Variants in COL4A1 observed in about 807,000 individuals in gnomAD.
COL4A1 encodes the protein collagen alpha-1(IV) chain.
In COL4A1, 40 loss-of-function variants were observed where a neutral mutation model predicts 216.6. That is an observed-to-expected ratio of 0.18 (90% CI 0.14 to 0.24). COL4A1 has a LOEUF of 0.24. Ranked by LOEUF, COL4A1 falls within the 10% of genes least tolerant of loss-of-function variation. The pLI is 1.00. For missense variants in COL4A1, 1,628 were observed against 2,196.8 expected (o/e 0.74, Z 5.18); for synonymous variants, 839 against 810.7 (o/e 1.03, Z -0.59).
chr13:110,224,967 C>T (rs1880670686), intron 2 of COL4A1, among the ~76,000 whole-genome samples: 1 of 151,862 alleles, frequency 6.6e-6, no homozygotes, highest in Admixed American at 6.6e-5. Context: ...CAAAAGCATG[C>T]AAGACAGTCT....
intron 1 of COL4A1, among the ~76,000 whole-genome samples, chr13:110,273,679 C>T (rs1224933124): frequency 1.3e-5 from 2 of 152,134 alleles, no homozygotes; most frequent in African/African-American, 4.8e-5. Flanking sequence ...GCATAGGCAC[C>T]AGGGAATGGG....
chr13:110,287,428 G>T (rs1301840370), intron 1 of COL4A1, among the ~76,000 whole-genome samples: 1 of 152,160 alleles, frequency 6.6e-6, no homozygotes, highest in Non-Finnish European at 1.5e-5. Context: ...TCTTATCTTT[G>T]TGAAGTTCCC....
intron 1 of COL4A1, among the ~76,000 whole-genome samples, chr13:110,305,106 T>A (rs2139328357): frequency 6.6e-6 from 1 of 152,304 alleles, no homozygotes; most frequent in Middle Eastern, 3.4e-3. Flanking sequence ...TACCCATACA[T>A]CATCTGCACA....
chr13:110,301,090 T>C (rs1884472511), intron 1 of COL4A1, among the ~76,000 whole-genome samples: 1 of 152,190 alleles, frequency 6.6e-6, no homozygotes, highest in Non-Finnish European at 1.5e-5. Flanking sequence ...TTCCAAGTCA[T>C]GTTTAGTCTG....
intron 49 of COL4A1, among the ~76,000 whole-genome samples, chr13:110,157,824 A>G (rs1331178594): frequency 6.6e-6 from 1 of 152,158 alleles, no homozygotes; most frequent in Non-Finnish European, 1.5e-5. Context: ...CTCAAAGACC[A>G]GGGGTGTTTT....
At chr13:110,270,107 C>G (rs1883192188) in intron 1 of COL4A1, among the ~76,000 whole-genome samples, 1 of 152,170 alleles carries the variant, frequency 6.6e-6, no homozygotes, top group African/African-American at 2.4e-5. Context: ...TGGTCTGCAT[C>G]AGCCAGATGT....
intron 48 of COL4A1, chr13:110,161,901 G>A: frequency 2.5e-6 from 1 of 398,728 alleles, no homozygotes; most frequent in Non-Finnish European, 4.7e-6. Context: ...CCGCATCAAT[G>A]CAAATTGTTA....
Position 110,169,695 on chromosome 13 carries a change from A to T in COL4A1, c.3810T>A (p.Asn1270Lys). 6.2e-7 allele frequency: 1 copy of T among 1,614,070 alleles called. No individual in the cohort carries two copies. Residue 1270 changes from asparagine to lysine, a missense_variant, in exon 43 of 52, where the codon AAT becomes AAA. This residue lies in a region of COL4A1 where 345 missense variants were observed against 476.9 expected (regional missense o/e 0.72). Transcript: ENST00000375820. ...GIDGVKGDKG[N>K]PGWPGAPGVP... ...CACCGGGTGCTCCTGGCCAGCCTGG[A>T]TTTCCTTTGTCACCTTTAACTCCAT... is the stretch of plus-strand genomic sequence containing the variant.
chr13:110,272,311 C>T (rs1594107595), intron 1 of COL4A1, among the ~76,000 whole-genome samples: 3 of 152,244 alleles, frequency 2.0e-5, no homozygotes, highest in Admixed American at 6.5e-5. Flanking sequence ...TCACATAGAC[C>T]GTAGATACGT....
intron 1 of COL4A1, among the ~76,000 whole-genome samples, chr13:110,259,818 G>T (rs914902902): frequency 6.6e-6 from 1 of 152,142 alleles, no homozygotes; most frequent in East Asian, 1.9e-4. Flanking sequence ...CTTCTCCTCC[G>T]GGCTCTGCAT....
In COL4A1 at chr13:110,232,614, G is replaced by A. The variant is rs561713387; in HGVS notation, c.144+10061C>T. 2.0e-4 allele frequency among the ~76,000 whole-genome samples: 31 copies of A among 152,240 alleles called. No individual in the cohort carries two copies. The Middle Eastern group carries it at 0.01, about 50-fold the overall frequency. ...TTCCTGCCAGCCAATGTTTTGTCAA[G>A]ATCATATTTACAAAAAAATATTTTT... On this transcript the variant is annotated intron_variant, in intron 2 of 51. Transcript: ENST00000375820.
At chr13:110,247,612 G>C (rs1881875952) in intron 1 of COL4A1, among the ~76,000 whole-genome samples, 2 of 152,078 alleles carry the variant, frequency 1.3e-5, no homozygotes, top group South Asian at 4.2e-4. Context: ...AGAAGTCAAT[G>C]GTTTTAATAA....
At chr13:110,216,394 T>C (rs1880088324) in intron 2 of COL4A1, among the ~76,000 whole-genome samples, 1 of 152,130 alleles carries the variant, frequency 6.6e-6, no homozygotes, top group African/African-American at 2.4e-5. Context: ...CAAACCAGAA[T>C]AGGACTGAAC....
chr13:110,164,427 G>C (rs1477533518), intron 46 of COL4A1, among the ~76,000 whole-genome samples: 3 of 152,166 alleles, frequency 2.0e-5, no homozygotes, highest in Non-Finnish European at 4.4e-5. Context: ...ATAAGCAGAA[G>C]ACTATGTTAG....
chr13:110,303,581 G>A (rs986762894), intron 1 of COL4A1, among the ~76,000 whole-genome samples: 5 of 152,216 alleles, frequency 3.3e-5, no homozygotes, highest in Admixed American at 6.5e-5. Flanking sequence ...CCATCACAGT[G>A]CACATGGAAA....
chr13:110,216,882 C>T (rs893106419), intron 2 of COL4A1, among the ~76,000 whole-genome samples: 2 of 152,190 alleles, frequency 1.3e-5, no homozygotes, highest in East Asian at 1.9e-4. Context: ...GGTGACCCCT[C>T]GTGCTGCTGG....
At chr13:110,173,260 A>C (rs986758465) in intron 40 of COL4A1, among the ~76,000 whole-genome samples, 5 of 151,616 alleles carry the variant, frequency 3.3e-5, no homozygotes, top group Non-Finnish European at 7.4e-5. Flanking sequence ...AATGTATAGA[A>C]TATAAAGTTA....
chr13:110,243,870 A>G (rs114373228), intron 1 of COL4A1, among the ~76,000 whole-genome samples: 2,080 of 152,306 alleles, frequency 0.014, 64 homozygotes, highest in African/African-American at 0.047. Context: ...TGAAATTAGA[A>G]CCCAACTTCA....
At chr13:110,271,376 G>A (rs1431001729) in intron 1 of COL4A1, among the ~76,000 whole-genome samples, 1 of 152,156 alleles carries the variant, frequency 6.6e-6, no homozygotes, top group Non-Finnish European at 1.5e-5. Context: ...TAACTTCATG[G>A]AGAGACCTGG....
Sources: gnomAD v4.1 joint callset for allele counts (sites outside exome capture counted in the v4.1 genomes callset) on GRCh38, gnomAD v4.1.1 for gene constraint, gnomAD v4.1.1 regional missense constraint, MANE v1.5 for transcripts, NCBI Gene and HGNC (gene_info 2026-07-23, HGNC 2026-07-21) for gene names.